Variants in OLA1 observed in about 807,000 individuals in gnomAD.
The protein encoded by OLA1 is Obg like ATPase 1, also known as obg-like ATPase 1.
In OLA1, 14 loss-of-function variants were observed where a neutral mutation model predicts 48.4. The observed-to-expected ratio is 0.29, with a 90% CI of 0.19 to 0.45. The LOEUF is 0.45. Ranked by LOEUF, OLA1 falls within the 20% of genes least tolerant of loss-of-function variation. The pLI is 1.00. For synonymous variants in OLA1, 127 were observed against 150.4 expected (o/e 0.84, Z 1.14); for missense variants, 325 against 467.1 (o/e 0.70, Z 2.80).
chr2:174,092,276 G>C (rs1685146108), intron 7 of OLA1, among the ~76,000 whole-genome samples: 1 of 152,158 alleles, frequency 6.6e-6, no homozygotes, highest in Non-Finnish European at 1.5e-5. Flanking sequence ...ACCTATAATA[G>C]TGCTTGGCAT....
intron 5 of OLA1, among the ~76,000 whole-genome samples, chr2:174,128,062 G>A (rs1368835611): frequency 1.3e-5 from 2 of 151,572 alleles, no homozygotes; most frequent in Admixed American, 1.3e-4. Flanking sequence ...AATTAGAATA[G>A]TATGACACTG....
intron 4 of OLA1, among the ~76,000 whole-genome samples, chr2:174,146,852 A>G (rs1002606210): frequency 6.6e-6 from 1 of 152,208 alleles, no homozygotes; most frequent in Non-Finnish European, 1.5e-5. Flanking sequence ...CTATAAGCGC[A>G]CTAATTATAT....
At chr2:174,240,572 T>C (rs1387851284) in intron 2 of OLA1, 2 of 151,548 alleles carry the variant, frequency 1.3e-5, no homozygotes, top group Admixed American at 6.6e-5. Flanking sequence ...AAACTAATCA[T>C]TAAGAAAAAA....
At chr2:174,094,576 T>C (rs1685201427) in intron 7 of OLA1, among the ~76,000 whole-genome samples, 1 of 152,218 alleles carries the variant, frequency 6.6e-6, no homozygotes, top group African/African-American at 2.4e-5. Flanking sequence ...GGCACGAGAC[T>C]AGACGTAAAG....
At chr2:174,081,110 G>C (rs748552772) in intron 9 of OLA1, 42 bp downstream of exon 9, 2 of 1,484,100 alleles carry the variant, frequency 1.3e-6, no homozygotes, top group Non-Finnish European at 9.4e-7. Context: ...GAATTCAATA[G>C]TGTGGAACTG....
At chr2:174,178,659 T>A (rs1687470439) in intron 4 of OLA1, among the ~76,000 whole-genome samples, 1 of 152,010 alleles carries the variant, frequency 6.6e-6, no homozygotes, top group African/African-American at 2.4e-5. Context: ...TCAAATATAG[T>A]ATATATGCTA....
Position 174,098,978 on chromosome 2 carries a change from A to T in OLA1, c.729-16914T>A, listed in dbSNP as rs187838254. Among the ~76,000 whole-genome samples, 152 of 152,074 alleles carry T rather than the reference A, an allele frequency of 1.0e-3. 1 individual carries two copies. The highest frequency in any genetic ancestry group is 3.4e-3 in the Middle Eastern group (1 of 294). On this transcript the variant is annotated intron_variant, in intron 7 of 10. Transcript: ENST00000284719. Reference sequence around the variant, plus strand: ...TTTTTTTTCTTTTCCTCCTTAAATTATTCTGTCCGTTGTATAGACAAAGCA... The same window carrying T: ...TTTTTTTTCTTTTCCTCCTTAAATTTTTCTGTCCGTTGTATAGACAAAGCA...
chr2:174,169,742 T>A (rs1687251448), intron 4 of OLA1, among the ~76,000 whole-genome samples: 1 of 152,184 alleles, frequency 6.6e-6, no homozygotes, highest in Non-Finnish European at 1.5e-5. Flanking sequence ...GCATCAAAAA[T>A]GGCAGATATC....
chr2:174,217,076 T>C (rs1364144998), intron 4 of OLA1, among the ~76,000 whole-genome samples: 1 of 152,188 alleles, frequency 6.6e-6, no homozygotes, highest in Non-Finnish European at 1.5e-5. Flanking sequence ...GTCAACTGTA[T>C]TTTGGAATCA....
chr2:174,190,137 A>C (rs1379839095), intron 4 of OLA1, among the ~76,000 whole-genome samples: 1 of 152,224 alleles, frequency 6.6e-6, no homozygotes, highest in Non-Finnish European at 1.5e-5. Context: ...ATTTGTATAA[A>C]GAAATTACAG....
intron 4 of OLA1, among the ~76,000 whole-genome samples, chr2:174,156,138 T>C (rs180797645): frequency 2.0e-4 from 30 of 152,298 alleles, no homozygotes. Context: ...ATTAAATATA[T>C]TTATAAATGA....
chr2:174,116,665 G>C (rs2105363377), intron 7 of OLA1, among the ~76,000 whole-genome samples: 1 of 152,188 alleles, frequency 6.6e-6, no homozygotes, highest in South Asian at 2.1e-4. Flanking sequence ...ACGCAATTAG[G>C]AAAAGTTACT....
chr2:174,107,813 G>A (rs1280608847), intron 7 of OLA1, among the ~76,000 whole-genome samples: 1 of 151,924 alleles, frequency 6.6e-6, no homozygotes, highest in African/African-American at 2.4e-5. Context: ...AATTTCAAAT[G>A]GTTTAGGATA....
chr2:174,223,850 C>G (rs548047282), intron 3 of OLA1, among the ~76,000 whole-genome samples: 1 of 149,362 alleles, frequency 6.7e-6, no homozygotes, highest in Non-Finnish European at 1.5e-5. Context: ...TAACAGCAAC[C>G]AAATTAGGCT....
At chr2:174,092,911 A>ACCTACTAC (rs1366913299) in intron 7 of OLA1, among the ~76,000 whole-genome samples, 4 of 152,088 alleles carry the variant, frequency 2.6e-5, no homozygotes, top group Non-Finnish European at 4.4e-5. Context: ...CTGTTGCTTG[A>ACCTACTAC]CCTACTACAA....
At chr2:174,236,093 G>A (rs2105461459) in intron 2 of OLA1, among the ~76,000 whole-genome samples, 1 of 152,014 alleles carries the variant, frequency 6.6e-6, no homozygotes, top group African/African-American at 2.4e-5. Flanking sequence ...CTCTTTAAAG[G>A]AAAACAACAA....
intron 4 of OLA1, among the ~76,000 whole-genome samples, chr2:174,222,591 T>C (rs1345158353): frequency 6.6e-6 from 1 of 152,200 alleles, no homozygotes; most frequent in African/African-American, 2.4e-5. Context: ...ATCTATAGTT[T>C]CTCTTTAATC....
chr2:174,238,224 G>A (rs369610407), intron 2 of OLA1, among the ~76,000 whole-genome samples: 19 of 152,220 alleles, frequency 1.2e-4, no homozygotes, highest in African/African-American at 4.6e-4. Context: ...GGCCAGCCAC[G>A]GTGGCTCATA....
At chr2:174,165,430 A>G (rs1166431483) in intron 4 of OLA1, among the ~76,000 whole-genome samples, 1 of 152,198 alleles carries the variant, frequency 6.6e-6, no homozygotes, top group Non-Finnish European at 1.5e-5. Flanking sequence ...GCCCAAGGTC[A>G]TATAGCTAAC....
Sources: allele counts gnomAD v4.1 joint callset (sites outside exome capture counted in the v4.1 genomes callset), GRCh38; gene constraint gnomAD v4.1.1; transcripts MANE v1.5; gene names NCBI Gene and HGNC (gene_info 2026-07-23, HGNC 2026-07-21).